Variants in LDLRAD3 observed in about 807,000 individuals in gnomAD.
LDLRAD3 encodes the protein low density lipoprotein receptor class A domain containing 3, also known as low-density lipoprotein receptor class A domain-containing protein 3.
In LDLRAD3, 20 loss-of-function variants were observed where a neutral mutation model predicts 29.4. That is an observed-to-expected ratio of 0.68 (90% CI 0.48 to 0.99). LDLRAD3 has a LOEUF of 0.99. Among genes scored for constraint, LDLRAD3 ranks in the 50% least tolerant of loss-of-function variants. The pLI is 0.00. For missense variants in LDLRAD3, 420 were observed against 454.3 expected, an observed-to-expected ratio of 0.92 and a Z score of 0.69; for synonymous variants, 157 against 192.7, an observed-to-expected ratio of 0.81 and a Z score of 1.53.
intron 1 of LDLRAD3, among the ~76,000 whole-genome samples, chr11:35,954,883 T>C (rs1277543424): frequency 6.6e-6 from 1 of 152,188 alleles, no homozygotes; most frequent in Non-Finnish European, 1.5e-5. Flanking sequence ...CTTAATTCCA[T>C]TTGAAGGGAG....
At chr11:36,089,874 A>G (rs1853254172) in intron 3 of LDLRAD3, among the ~76,000 whole-genome samples, 1 of 151,982 alleles carries the variant, frequency 6.6e-6, no homozygotes, top group African/African-American at 2.4e-5. Context: ...AGCAACCTGA[A>G]GTGCTGGGAC....
chr11:36,134,131 G>C (rs1241356578), intron 4 of LDLRAD3, among the ~76,000 whole-genome samples: 2 of 152,088 alleles, frequency 1.3e-5, no homozygotes, highest in African/African-American at 2.4e-5. Flanking sequence ...AATCTTGTTT[G>C]TCTGCAAGTT....
At chr11:36,078,976 G>A (rs939050065) in intron 2 of LDLRAD3, among the ~76,000 whole-genome samples, 3 of 152,174 alleles carry the variant, frequency 2.0e-5, no homozygotes, top group African/African-American at 4.8e-5. Flanking sequence ...AGCGGAGAGC[G>A]AGGTTAAGAC....
intron 4 of LDLRAD3, among the ~76,000 whole-genome samples, chr11:36,142,295 T>A (rs1854097485): frequency 6.6e-6 from 1 of 152,206 alleles, no homozygotes; most frequent in African/African-American, 2.4e-5. Context: ...CCAGCTGTAT[T>A]AAGTGAGCTG....
intron 4 of LDLRAD3, among the ~76,000 whole-genome samples, chr11:36,110,848 G>C (rs1853595581): frequency 6.6e-6 from 1 of 152,166 alleles, no homozygotes; most frequent in African/African-American, 2.4e-5. Flanking sequence ...CTGGCAAGGA[G>C]TGACAGTTTT....
At chr11:36,225,587 A>G (rs1056730435) in intron 4 of LDLRAD3, among the ~76,000 whole-genome samples, 1 of 152,196 alleles carries the variant, frequency 6.6e-6, no homozygotes, top group African/African-American at 2.4e-5. Flanking sequence ...GATGTAGAGC[A>G]GAACGCTGGG....
chr11:36,131,465 G>A (rs1853924902), intron 4 of LDLRAD3, among the ~76,000 whole-genome samples: 1 of 151,986 alleles, frequency 6.6e-6, no homozygotes, highest in African/African-American at 2.4e-5. Flanking sequence ...CTACTTTTTT[G>A]TTGCTTTGGG....
chr11:35,954,929 CA>C (rs1321239741), intron 1 of LDLRAD3, among the ~76,000 whole-genome samples: 1 of 151,974 alleles, frequency 6.6e-6, no homozygotes, highest in African/African-American at 2.4e-5. Flanking sequence ...GAGAGGTCAC[CA>C]AGAGGAAATA....
rs549607568 is a variant in LDLRAD3 at position 36,007,784 on chromosome 11, G to A, written c.47-28319G>A. Among the ~76,000 whole-genome samples, 13 of 152,302 alleles carry A rather than the reference G, an allele frequency of 8.5e-5. No individual in the cohort carries two copies. The South Asian group carries it at 2.5e-3, about 29-fold the overall frequency. On this transcript the variant is annotated intron_variant, in intron 1 of 5. Transcript: ENST00000315571. The stretch of plus-strand genomic sequence containing the variant: ...GACCAGTGATTTTAGTACAGTCCTC[G>A]TAAATTTTCTTTCTGAGGGGAAACT...
intron 4 of LDLRAD3, among the ~76,000 whole-genome samples, chr11:36,128,865 A>AAG (rs1554966942): frequency 6.8e-6 from 1 of 146,290 alleles, no homozygotes; most frequent in Non-Finnish European, 1.5e-5. Flanking sequence ...AAAAAAAAAA[A>AAG]AGAGAGAAAA....
intron 1 of LDLRAD3, among the ~76,000 whole-genome samples, chr11:36,004,422 A>G (rs1851859808): frequency 6.6e-6 from 1 of 152,184 alleles, no homozygotes; most frequent in Admixed American, 6.5e-5. Flanking sequence ...CATGTCTCAC[A>G]TCCAGGGCAC....
intron 4 of LDLRAD3, among the ~76,000 whole-genome samples, chr11:36,158,103 C>G (rs1264288643): frequency 6.6e-6 from 1 of 152,126 alleles, no homozygotes; most frequent in Non-Finnish European, 1.5e-5. Context: ...GGCCCTGACC[C>G]ACTATGTTAG....
chr11:36,170,306 A>ATATATAAG (rs1554970609), intron 4 of LDLRAD3, among the ~76,000 whole-genome samples: 1 of 30,124 alleles, frequency 3.3e-5, no homozygotes, highest in African/African-American at 9.8e-5. Flanking sequence ...ATATATATAC[A>ATATATAAG]TATATACGTA....
intron 3 of LDLRAD3, among the ~76,000 whole-genome samples, chr11:36,083,696 C>A (rs1396266171): frequency 2.6e-5 from 4 of 151,206 alleles, no homozygotes; most frequent in Non-Finnish European, 4.4e-5. Flanking sequence ...ATCTCTGCTT[C>A]CTGCTGTCCA....
chr11:35,973,668 G>A (rs1851443238), intron 1 of LDLRAD3, among the ~76,000 whole-genome samples: 1 of 151,732 alleles, frequency 6.6e-6, no homozygotes, highest in Admixed American at 6.6e-5. Flanking sequence ...GTGAGGTTTC[G>A]CCATGTTGCC....
intron 1 of LDLRAD3, chr11:35,968,131 C>A: frequency 2.3e-6 from 1 of 443,682 alleles, no homozygotes; most frequent in South Asian, 1.7e-5. Context: ...GCAGGCAGCC[C>A]TTGTTCTTCC....
At chr11:36,154,297 C>G (rs1050086017) in intron 4 of LDLRAD3, among the ~76,000 whole-genome samples, 1 of 152,126 alleles carries the variant, frequency 6.6e-6, no homozygotes, top group African/African-American at 2.4e-5. Context: ...ACTGATGTAC[C>G]CAGCCTGCGG....
At chr11:35,988,589 T>C in intron 1 of LDLRAD3, among the ~76,000 whole-genome samples, 1 of 152,188 alleles carries the variant, frequency 6.6e-6, no homozygotes, top group East Asian at 1.9e-4. Flanking sequence ...TTGTCAATTT[T>C]TTTTTTGTTT....
At chr11:36,210,306 G>T (rs1855266405) in intron 4 of LDLRAD3, among the ~76,000 whole-genome samples, 1 of 151,926 alleles carries the variant, frequency 6.6e-6, no homozygotes, top group African/African-American at 2.4e-5. Context: ...TCCTAAGGAG[G>T]CCAGCTTGGG....
Sources: gnomAD v4.1 joint callset for allele counts (sites outside exome capture counted in the v4.1 genomes callset) on GRCh38, gnomAD v4.1.1 for gene constraint, MANE v1.5 for transcripts, NCBI Gene and HGNC (gene_info 2026-07-23, HGNC 2026-07-21) for gene names.